The following ZNF708 variants were observed in gnomAD, a reference collection of about 807,000 sequenced individuals.
ZNF708 encodes zinc finger protein 708.
ZNF708 carries 44 observed loss-of-function variants against 47.0 expected under a neutral mutation model. That is an observed-to-expected ratio of 0.94 (90% CI 0.74 to 1.20). The LOEUF is 1.20. Ranked by LOEUF, ZNF708 falls within the 50% of genes most tolerant of loss-of-function variation. The pLI, the probability that ZNF708 is intolerant of heterozygous loss-of-function variation, is 0.00. For missense variants in ZNF708, 557 were observed against 656.0 expected (o/e 0.85, Z 1.65); for synonymous variants, 184 against 218.5 (o/e 0.84, Z 1.39).
At chr19:21,297,959 TAGTGTG>T (rs1459142904) in intron 3 of ZNF708, among the ~76,000 whole-genome samples, 1 of 62,242 alleles carries the variant, frequency 1.6e-5, no homozygotes, top group Non-Finnish European at 3.3e-5. Context: ...AACAAATGAC[TAGTGTG>T]TGTGTGTGTG....
chr19:21,303,111 G>T (rs1972691852), intron 3 of ZNF708, among the ~76,000 whole-genome samples: 1 of 152,098 alleles, frequency 6.6e-6, no homozygotes, highest in Non-Finnish European at 1.5e-5. Context: ...AAACTTGCTG[G>T]GTGTGATGGC....
chr19:21,306,334 A>G (rs796130234), intron 3 of ZNF708, among the ~76,000 whole-genome samples: 1 of 150,502 alleles, frequency 6.6e-6, no homozygotes, highest in East Asian at 2.0e-4. Flanking sequence ...GAGATGAGTG[A>G]TGAGTTAATA....
chr19:21,314,950 G>A (rs1972973644), intron 1 of ZNF708, among the ~76,000 whole-genome samples: 1 of 152,180 alleles, frequency 6.6e-6, no homozygotes, highest in African/African-American at 2.4e-5. Flanking sequence ...AGGCTAGAGA[G>A]AGTCATGCTG....
chr19:21,302,003 A>G (rs112674812), intron 3 of ZNF708, among the ~76,000 whole-genome samples: 21 of 152,302 alleles, frequency 1.4e-4, no homozygotes, highest in African/African-American at 4.3e-4. Context: ...GTTCGGGCCT[A>G]TGAATCCTAC....
intron 3 of ZNF708, among the ~76,000 whole-genome samples, chr19:21,301,889 T>C (rs954928399): frequency 6.6e-6 from 1 of 152,200 alleles, no homozygotes; most frequent in Non-Finnish European, 1.5e-5. Flanking sequence ...ATTATTTTAC[T>C]TTAAAAACAA....
intron 1 of ZNF708, among the ~76,000 whole-genome samples, chr19:21,311,502 T>G (rs1384705965): frequency 1.3e-5 from 2 of 151,928 alleles, no homozygotes; most frequent in African/African-American, 4.8e-5. Flanking sequence ...CCCCCAAAAG[T>G]GAATTATAGT....
intron 1 of ZNF708, chr19:21,318,706 C>T (rs1314813517): frequency 6.6e-6 from 1 of 152,284 alleles, no homozygotes; most frequent in Non-Finnish European, 1.5e-5. Context: ...TGACAATTCA[C>T]CAGCACTTTT....
chr19:21,306,445 C>G (rs1433113088), intron 3 of ZNF708, among the ~76,000 whole-genome samples: 1 of 151,560 alleles, frequency 6.6e-6, no homozygotes, highest in Non-Finnish European at 1.5e-5. Flanking sequence ...TAAAAAGATA[C>G]CCAAATGGGA....
chr19:21,311,496 CA>C (rs753926174), intron 1 of ZNF708, among the ~76,000 whole-genome samples: 2 of 152,042 alleles, frequency 1.3e-5, no homozygotes, highest in African/African-American at 4.8e-5. Context: ...ATATTCCCCC[CA>C]AAAGTGAATT....
At chr19:21,306,317 A>G (rs1299748192) in intron 3 of ZNF708, among the ~76,000 whole-genome samples, 2 of 152,140 alleles carry the variant, frequency 1.3e-5, no homozygotes, top group African/African-American at 2.4e-5. Flanking sequence ...ATATTTGCAA[A>G]TCACAAGAGA....
intron 1 of ZNF708, among the ~76,000 whole-genome samples, chr19:21,327,271 T>C (rs567277281): frequency 6.6e-6 from 1 of 152,246 alleles, no homozygotes; most frequent in Admixed American, 6.5e-5. Context: ...GGCTCACGCC[T>C]GTATTCCCAG....
At chr19:21,311,546 T>G (rs895112769) in intron 1 of ZNF708, among the ~76,000 whole-genome samples, 1 of 152,170 alleles carries the variant, frequency 6.6e-6, no homozygotes, top group African/African-American at 2.4e-5. Flanking sequence ...ATCAGTTCTG[T>G]GCAAAGTTCA....
chr19:21,295,088 A>G (rs1209226747), intron 3 of ZNF708, among the ~76,000 whole-genome samples: 1 of 147,018 alleles, frequency 6.8e-6, no homozygotes, highest in Non-Finnish European at 1.5e-5. Flanking sequence ...TTTTTAAAAG[A>G]CTAAAAAAAA....
intron 1 of ZNF708, among the ~76,000 whole-genome samples, chr19:21,319,214 G>A (rs1261354096): frequency 1.3e-5 from 2 of 152,068 alleles, no homozygotes; most frequent in African/African-American, 4.8e-5. Flanking sequence ...AGATAACTAT[G>A]CTAATTGTTC....
chr19:21,295,828 G>GA (rs1972516794), intron 3 of ZNF708, among the ~76,000 whole-genome samples: 1 of 151,916 alleles, frequency 6.6e-6, no homozygotes, highest in South Asian at 2.1e-4. Flanking sequence ...TATTAGGGCA[G>GA]GATGACCCCA....
intron 1 of ZNF708, among the ~76,000 whole-genome samples, chr19:21,316,133 C>CTTTTTTTTTTTT (rs544312163): frequency 5.7e-5 from 6 of 105,488 alleles, no homozygotes; most frequent in East Asian, 3.0e-4. Flanking sequence ...TTTCTTTTTT[C>CTTTTTTTTTTTT]TTTTTTTTTT....
At chr19:21,316,188 C>T (rs1227803834) in intron 1 of ZNF708, among the ~76,000 whole-genome samples, 1 of 127,242 alleles carries the variant, frequency 7.9e-6, no homozygotes, top group Non-Finnish European at 1.6e-5. Context: ...TGCTGGAGTG[C>T]AGTGGCGCAA....
At chr19:21,323,204 C>T (rs1174143778) in intron 1 of ZNF708, among the ~76,000 whole-genome samples, 4 of 152,188 alleles carry the variant, frequency 2.6e-5, no homozygotes, top group African/African-American at 9.7e-5. Context: ...ACACCCTTCC[C>T]ATTATGACTT....
At chr19:21,309,011 T>A (rs574496276) in intron 3 of ZNF708, among the ~76,000 whole-genome samples, 1 of 152,238 alleles carries the variant, frequency 6.6e-6, no homozygotes, top group South Asian at 2.1e-4. Flanking sequence ...TTATATGCCA[T>A]GAAGAGGACT....
Sources: allele counts gnomAD v4.1 joint callset (sites outside exome capture counted in the v4.1 genomes callset), GRCh38; gene constraint gnomAD v4.1.1; transcripts MANE v1.5; gene names NCBI Gene and HGNC (gene_info 2026-07-23, HGNC 2026-07-21).